Variants in PLD5 observed in about 807,000 individuals in gnomAD.
PLD5 encodes phospholipase D family member 5.
In PLD5, 36 loss-of-function variants were observed where a neutral mutation model predicts 61.1. That is an observed-to-expected ratio of 0.59 (90% CI 0.45 to 0.78). The LOEUF is 0.78. Ranked by LOEUF, PLD5 falls within the 30% of genes least tolerant of loss-of-function variation. The probability of loss-of-function intolerance (pLI) is 0.00; values close to 1 mark genes in which losing one functional copy is unlikely to be tolerated. For missense variants in PLD5, 515 were observed against 644.4 expected, an observed-to-expected ratio of 0.80 and a Z score of 2.17; for synonymous variants, 243 against 242.8, an observed-to-expected ratio of 1.00 and a Z score of -0.01.
At chr1:242,505,674 C>T (rs750622672) in intron 1 of PLD5, among the ~76,000 whole-genome samples, 1 of 152,154 alleles carries the variant, frequency 6.6e-6, no homozygotes, top group Admixed American at 6.5e-5. Context: ...CTGAGCTGTG[C>T]GTTAAAAATA....
At chr1:242,508,103 C>T (rs1668785074) in intron 1 of PLD5, among the ~76,000 whole-genome samples, 1 of 151,726 alleles carries the variant, frequency 6.6e-6, no homozygotes, top group South Asian at 2.1e-4. Context: ...GTGGCTCATG[C>T]CTGTAATCCC....
intron 1 of PLD5, among the ~76,000 whole-genome samples, chr1:242,400,608 C>T (rs186937441): frequency 6.6e-6 from 1 of 152,220 alleles, no homozygotes; most frequent in East Asian, 1.9e-4. Flanking sequence ...ACATTGAAAG[C>T]TATTATCATT....
At chr1:242,126,627 A>T (rs1340087787) in intron 5 of PLD5, among the ~76,000 whole-genome samples, 1 of 152,220 alleles carries the variant, frequency 6.6e-6, no homozygotes, top group Non-Finnish European at 1.5e-5. Flanking sequence ...ATGAAACTGG[A>T]TCCTTATCTC....
chr1:242,468,419 T>C (rs902964207), intron 1 of PLD5, among the ~76,000 whole-genome samples: 8 of 152,172 alleles, frequency 5.3e-5, no homozygotes, highest in Non-Finnish European at 1.2e-4. Flanking sequence ...TTCAAGTAAT[T>C]TGGGGGCAAA....
At chr1:242,288,235 A>G (rs1179151726) in intron 3 of PLD5, 127 bp downstream of exon 3, 10 of 1,315,286 alleles carry the variant, frequency 7.6e-6, no homozygotes, top group Non-Finnish European at 1.0e-5. Context: ...GTAATAATGT[A>G]CATGTACTCT....
At chr1:242,461,177 A>G (rs1465359918) in intron 1 of PLD5, among the ~76,000 whole-genome samples, 1 of 152,206 alleles carries the variant, frequency 6.6e-6, no homozygotes, top group Non-Finnish European at 1.5e-5. Flanking sequence ...GTTCAATATC[A>G]GCACATAGCC....
intron 2 of PLD5, among the ~76,000 whole-genome samples, chr1:242,295,488 C>T (rs1283200314): frequency 6.6e-6 from 1 of 152,164 alleles, no homozygotes; most frequent in Non-Finnish European, 1.5e-5. Flanking sequence ...TTTTTTATGG[C>T]TTTGTAGTAT....
chr1:242,368,789 G>A (rs1397844491), intron 1 of PLD5, among the ~76,000 whole-genome samples: 1 of 152,178 alleles, frequency 6.6e-6, no homozygotes, highest in East Asian at 1.9e-4. Context: ...TTTCTCCCGT[G>A]CAAGCTTCCA....
intron 4 of PLD5, among the ~76,000 whole-genome samples, chr1:242,220,707 A>ATATTTTATTT (rs71570944): frequency 0.22 from 23,624 of 107,644 alleles, 2,188 homozygotes; most frequent in South Asian, 0.3. Context: ...TTTTTAATTT[A>ATATTTTATTT]TATTTTATTT....
chr1:242,133,609 T>C (rs544484652), intron 5 of PLD5, among the ~76,000 whole-genome samples: 3 of 152,282 alleles, frequency 2.0e-5, no homozygotes, highest in South Asian at 2.1e-4. Flanking sequence ...TTTCCTTCTT[T>C]CTTCCTTCCC....
At chr1:242,207,964 T>TTA (rs71761958) in intron 5 of PLD5, among the ~76,000 whole-genome samples, 25,431 of 32,768 alleles carry the variant, frequency 0.78, 11,103 homozygotes, top group South Asian at 0.94. Flanking sequence ...TTATATATAT[T>TTA]TATATATATT....
chr1:242,170,657 G>A (rs555720887), intron 5 of PLD5, among the ~76,000 whole-genome samples: 231 of 152,158 alleles, frequency 1.5e-3, no homozygotes, highest in African/African-American at 5.2e-3. Context: ...TAAGAATCTT[G>A]AAAAAAGGTT....
chr1:242,125,324 C>T (rs147311379), intron 5 of PLD5, among the ~76,000 whole-genome samples: 219 of 151,710 alleles, frequency 1.4e-3, no homozygotes, highest in African/African-American at 5.2e-3. Flanking sequence ...AGTAATAGAC[C>T]AATAGCATCT....
chr1:242,479,453 A>G (rs1667700053), intron 1 of PLD5, among the ~76,000 whole-genome samples: 1 of 152,220 alleles, frequency 6.6e-6, no homozygotes, highest in African/African-American at 2.4e-5. Context: ...TACATGATTT[A>G]GGATAATCTA....
At chr1:242,291,473 T>C (rs1160934702) in intron 2 of PLD5, among the ~76,000 whole-genome samples, 1 of 152,076 alleles carries the variant, frequency 6.6e-6, no homozygotes, top group African/African-American at 2.4e-5. Flanking sequence ...TTGGGTGTCG[T>C]TAAAATCTCA....
intron 5 of PLD5, among the ~76,000 whole-genome samples, chr1:242,176,748 A>T (rs905368936): frequency 6.6e-6 from 1 of 152,220 alleles, no homozygotes; most frequent in African/African-American, 2.4e-5. Flanking sequence ...AAGAAAAACC[A>T]TCAGAAAGTG....
At chr1:242,284,335 C>T (rs1674900374) in intron 3 of PLD5, among the ~76,000 whole-genome samples, 1 of 151,784 alleles carries the variant, frequency 6.6e-6, no homozygotes, top group Non-Finnish European at 1.5e-5. Flanking sequence ...CGGGGTTTCA[C>T]CATGTTTGCC....
intron 1 of PLD5, among the ~76,000 whole-genome samples, chr1:242,354,326 C>T (rs1375264873): frequency 1.3e-5 from 2 of 152,120 alleles, no homozygotes; most frequent in African/African-American, 2.4e-5. Flanking sequence ...CATTGATCCA[C>T]CCCTTAATTT....
At chr1:242,302,184 GTAGCCCAGGAGCAACAGTCTCTATCATA>G (rs1676090281) in intron 2 of PLD5, among the ~76,000 whole-genome samples, 1 of 152,166 alleles carries the variant, frequency 6.6e-6, no homozygotes, top group African/African-American at 2.4e-5. Flanking sequence ...GTGCAGGTTC[GTAGCCCAGGAGCAACAGTCTCTATCATA>G]TAGCCTAGGT....
Sources: gnomAD v4.1 joint callset for allele counts (sites outside exome capture counted in the v4.1 genomes callset) on GRCh38, gnomAD v4.1.1 for gene constraint, MANE v1.5 for transcripts, NCBI Gene and HGNC (gene_info 2026-07-23, HGNC 2026-07-21) for gene names.